TBL1X: variants seen among roughly 807,000 people sequenced by gnomAD.
The protein encoded by TBL1X is F-box-like/WD repeat-containing protein TBL1X.
In TBL1X, 10 loss-of-function variants were observed where a neutral mutation model predicts 50.7. That is an observed-to-expected ratio of 0.20 (90% CI 0.12 to 0.33). TBL1X has a LOEUF of 0.33. Among genes scored for constraint, TBL1X ranks in the 10% least tolerant of loss-of-function variants. The probability of loss-of-function intolerance (pLI) is 1.00; values close to 1 mark genes in which losing one functional copy is unlikely to be tolerated. For missense variants in TBL1X, 340 were observed against 504.4 expected (o/e 0.67, Z 3.12); for synonymous variants, 190 against 214.7 (o/e 0.88, Z 1.01).
rs749784378 is a variant in TBL1X, at chrX:9,676,021, A to ATTGC, written c.212-8019_212-8016dup. Among the ~76,000 whole-genome samples, 444 of 112,247 alleles carry ATTGC rather than the reference A, an allele frequency of 4.0e-3. 1 individual carries two copies. The highest frequency in any genetic ancestry group is 6.9e-3 in the Non-Finnish European group (368 of 53,187). On this transcript the variant is annotated intron_variant, in intron 5 of 17. Transcript: ENST00000645353. ...GTGAGTTAATTTCTCCATCTTCCAA[A>ATTGC]TTGCTTTCTCTTATATTCCCAAAGT...
At chrX:9,486,208 GT>G (rs1403057932) in intron 1 of TBL1X, among the ~76,000 whole-genome samples, 1 of 108,651 alleles carries the variant, frequency 9.2e-6, no homozygotes, top group Non-Finnish European at 1.9e-5. Context: ...ACCCCTTATG[GT>G]ACCTGGACAT....
At chrX:9,626,708 A>G (rs2082694694) in intron 2 of TBL1X, among the ~76,000 whole-genome samples, 1 of 112,655 alleles carries the variant, frequency 8.9e-6, no homozygotes, top group South Asian at 3.6e-4. Context: ...ATTCAGGCAC[A>G]TAAAAGCCAG....
At chrX:9,478,364 C>A (rs971193506) in intron 1 of TBL1X, among the ~76,000 whole-genome samples, 1 of 111,152 alleles carries the variant, frequency 9.0e-6, no homozygotes, top group African/African-American at 3.3e-5. Flanking sequence ...GGATGTTTTC[C>A]CAGGATCTAC....
chrX:9,637,939 G>C (rs1455301276), intron 2 of TBL1X: 1 of 111,922 alleles, frequency 8.9e-6, no homozygotes, highest in East Asian at 2.8e-4. Flanking sequence ...GTGACTAAAA[G>C]AAAAAGAAAT....
chrX:9,688,141 C>T lies in TBL1X; in HGVS notation c.482C>T (p.Ala161Val), dbSNP rs142521703. Residue 161 changes from alanine to valine, a missense_variant, in exon 7 of 18, where the codon GCG becomes GTG. Physicochemically the swap from Ala to Val is moderately conservative, Grantham distance 64. Coordinates refer to ENST00000645353, the MANE Select transcript of TBL1X (RefSeq NM_005647.4). Reference sequence around the variant, plus strand: ...AAGCTCGCTCAGCAGCAAGCCAGTGCGGCGGCGGCGGCGGCTGCGGCCACG... The same window carrying T: ...AAGCTCGCTCAGCAGCAAGCCAGTGTGGCGGCGGCGGCGGCTGCGGCCACG... ...REKLAQQQAS[A>V]AAAAAAATAA... 54 of 1,169,675 alleles carry T rather than the reference C, an allele frequency of 4.6e-5. 1 individual carries two copies. Among genetic ancestry groups the T allele is most frequent in the East Asian group, 2.8e-4 (9 of 31,733 alleles).
At position 9,632,341 on chromosome X, in the gene TBL1X, C is replaced by T. The variant is rs777294940; in HGVS notation, c.-130-7932C>T. On this transcript the variant is annotated intron_variant, in intron 2 of 17. Coordinates refer to ENST00000645353, the MANE Select transcript of TBL1X (RefSeq NM_005647.4). ...GTCACCCAGGCTGGAGTGCAGTGGCCGCGATCTTAGCTTACCGCAACCTCC... is the reference window on the plus strand; with the variant it reads ...GTCACCCAGGCTGGAGTGCAGTGGCTGCGATCTTAGCTTACCGCAACCTCC... Among the ~76,000 whole-genome samples, 3 of 111,531 alleles carry T rather than the reference C, an allele frequency of 2.7e-5. No homozygotes were observed. The South Asian group carries it at 1.1e-3, about 42-fold the overall frequency.
chrX:9,607,452 C>G (rs2082589447), intron 2 of TBL1X, among the ~76,000 whole-genome samples: 1 of 113,340 alleles, frequency 8.8e-6, no homozygotes, highest in South Asian at 3.6e-4. Flanking sequence ...GGAAACAAGG[C>G]AGAGCCCACT....
intron 2 of TBL1X, among the ~76,000 whole-genome samples, chrX:9,593,356 C>T (rs1271071872): frequency 2.7e-5 from 3 of 109,900 alleles, no homozygotes; most frequent in East Asian, 2.9e-4. Flanking sequence ...GAGCTGATAT[C>T]GCACCACTGC....
intron 1 of TBL1X, among the ~76,000 whole-genome samples, chrX:9,472,027 C>G (rs845445): frequency 0.37 from 40,691 of 109,963 alleles, 5,642 homozygotes; most frequent in East Asian, 0.69. Context: ...TCCTTCGGGT[C>G]TGTTGAAACT....
At chrX:9,570,839 A>G (rs897362766) in intron 2 of TBL1X, among the ~76,000 whole-genome samples, 1 of 109,257 alleles carries the variant, frequency 9.2e-6, no homozygotes, top group South Asian at 4.0e-4. Flanking sequence ...CACCATGCCC[A>G]GCTAATTTTT....
intron 2 of TBL1X, among the ~76,000 whole-genome samples, chrX:9,529,691 C>A (rs1373766347): frequency 9.1e-6 from 1 of 109,322 alleles, no homozygotes; most frequent in African/African-American, 3.3e-5. Context: ...GCCTGTAACC[C>A]CAGCACTGTG....
At chrX:9,596,291 C>T (rs1228875164) in intron 2 of TBL1X, among the ~76,000 whole-genome samples, 1 of 111,768 alleles carries the variant, frequency 8.9e-6, no homozygotes, top group African/African-American at 3.3e-5. Context: ...GTCTAGAAGG[C>T]AAAATAAATG....
At chrX:9,468,859 A>G (rs1326222643) in intron 1 of TBL1X, among the ~76,000 whole-genome samples, 1 of 111,053 alleles carries the variant, frequency 9.0e-6, no homozygotes, top group Non-Finnish European at 1.9e-5. Context: ...TTATTTGTTT[A>G]TTTTGAGACA....
intron 12 of TBL1X, among the ~76,000 whole-genome samples, chrX:9,702,761 G>A (rs1043523323): frequency 4.5e-5 from 5 of 112,081 alleles, no homozygotes; most frequent in African/African-American, 1.6e-4. Flanking sequence ...CTACCTTGGA[G>A]AACATAACTT....
intron 7 of TBL1X, among the ~76,000 whole-genome samples, chrX:9,688,705 C>G (rs1278838803): frequency 8.9e-6 from 1 of 112,815 alleles, no homozygotes; most frequent in African/African-American, 3.2e-5. Context: ...CTTATTTGGT[C>G]TTTGCAAAAC....
At chrX:9,670,773 C>G (rs1353860514) in intron 5 of TBL1X, among the ~76,000 whole-genome samples, 1 of 112,096 alleles carries the variant, frequency 8.9e-6, no homozygotes, top group Non-Finnish European at 1.9e-5. Context: ...AACAAAAGTT[C>G]AGGGCTTATT....
chrX:9,578,393 A>G (rs1261324248), intron 2 of TBL1X, among the ~76,000 whole-genome samples: 1 of 111,060 alleles, frequency 9.0e-6, no homozygotes, highest in Non-Finnish European at 1.9e-5. Flanking sequence ...TAACCCTCAC[A>G]CACAAAAAGT....
At chrX:9,686,759 T>C (rs1191019597) in intron 6 of TBL1X, among the ~76,000 whole-genome samples, 1 of 111,986 alleles carries the variant, frequency 8.9e-6, no homozygotes, top group Non-Finnish European at 1.9e-5. Context: ...GTTACTACTT[T>C]GGACAGTTAC....
intron 6 of TBL1X, 42 bp downstream of exon 6, chrX:9,684,230 G>A (rs1296629702): frequency 8.3e-7 from 1 of 1,205,311 alleles, no homozygotes; most frequent in South Asian, 1.8e-5. Flanking sequence ...GCAGAGCCCT[G>A]GGAAGCTGCA....
Sources: allele counts gnomAD v4.1 joint callset (sites outside exome capture counted in the v4.1 genomes callset), GRCh38; gene constraint gnomAD v4.1.1; transcripts MANE v1.5; gene names NCBI Gene and HGNC (gene_info 2026-07-23, HGNC 2026-07-21).